GLRA2: variants seen among roughly 807,000 people sequenced by gnomAD.
GLRA2 encodes glycine receptor alpha 2, also known as glycine receptor subunit alpha-2.
A neutral mutation model predicts 31.6 loss-of-function variants in GLRA2; 11 were observed. The ratio of observed to expected loss-of-function variants is 0.35; its 90% CI spans 0.22 to 0.58. The LOEUF (loss-of-function observed/expected upper bound fraction) is 0.58. Among genes scored for constraint, GLRA2 ranks in the 20% least tolerant of loss-of-function variants. The probability of loss-of-function intolerance (pLI) is 0.84; values close to 1 mark genes in which losing one functional copy is unlikely to be tolerated. For missense variants in GLRA2, 212 were observed against 351.8 expected, an observed-to-expected ratio of 0.60 and a Z score of 3.18; for synonymous variants, 132 against 134.0, an observed-to-expected ratio of 0.99 and a Z score of 0.10.
At chrX:14,492,666 G>A in the GLRA2 span, among the ~76,000 whole-genome samples, 3 of 111,625 alleles carry the variant, frequency 2.7e-5, no homozygotes, top group African/African-American at 9.8e-5. Context: ...ATTCAAAATG[G>A]TATAGTCATT....
At chrX:14,648,444 A>G (rs2147135372) in intron 7 of GLRA2, among the ~76,000 whole-genome samples, 1 of 112,154 alleles carries the variant, frequency 8.9e-6, no homozygotes, top group South Asian at 3.7e-4. Flanking sequence ...ACAGCAGGGA[A>G]AATCTCTGAG....
chrX:14,624,965 T>C (rs2090570446), intron 7 of GLRA2, among the ~76,000 whole-genome samples: 1 of 111,270 alleles, frequency 9.0e-6, no homozygotes, highest in Admixed American at 9.5e-5. Flanking sequence ...AAGTCTCCCA[T>C]TATTGTTGTA....
chrX:14,601,467 C>G (rs1320670287), intron 4 of GLRA2, among the ~76,000 whole-genome samples: 1 of 111,651 alleles, frequency 9.0e-6, no homozygotes, highest in African/African-American at 3.3e-5. Flanking sequence ...GATGGGAAAG[C>G]TGTTATATGA....
intron 8 of GLRA2, among the ~76,000 whole-genome samples, chrX:14,700,435 C>A (rs778243249): frequency 9.0e-6 from 1 of 111,002 alleles, no homozygotes; most frequent in South Asian, 3.9e-4. Flanking sequence ...CAGAGACAGG[C>A]AGGGGGAAAG....
At chrX:14,602,412 T>C (rs1293984129) in intron 4 of GLRA2, among the ~76,000 whole-genome samples, 2 of 110,644 alleles carry the variant, frequency 1.8e-5, no homozygotes, top group African/African-American at 6.6e-5. Context: ...GAGTAGTTTG[T>C]TTTTCCTTTT....
intron 7 of GLRA2, among the ~76,000 whole-genome samples, chrX:14,664,978 C>G (rs755492865): frequency 9.0e-5 from 10 of 111,559 alleles, no homozygotes; most frequent in South Asian, 3.8e-4. Flanking sequence ...CGCCATCAGC[C>G]CAACTGCAAC....
intron 7 of GLRA2, among the ~76,000 whole-genome samples, chrX:14,672,842 A>T (rs779261172): frequency 5.4e-5 from 6 of 111,458 alleles, no homozygotes; most frequent in Non-Finnish European, 1.1e-4. Context: ...ATAGTATGAA[A>T]CAGTAGGTAG....
the GLRA2 span, among the ~76,000 whole-genome samples, chrX:14,485,482 A>G: frequency 9.0e-6 from 1 of 111,368 alleles, no homozygotes; most frequent in African/African-American, 3.3e-5. Context: ...TTCACTGTAT[A>G]TATTTATGGT....
intron 7 of GLRA2, among the ~76,000 whole-genome samples, chrX:14,612,589 G>A (rs956960277): frequency 1.8e-5 from 2 of 111,386 alleles, no homozygotes. Flanking sequence ...GTCCGTCAAT[G>A]ATAGACTGGA....
chrX:14,651,821 T>A (rs1233035833), intron 7 of GLRA2, among the ~76,000 whole-genome samples: 3 of 111,892 alleles, frequency 2.7e-5, no homozygotes, highest in Non-Finnish European at 5.6e-5. Flanking sequence ...TATTATGAAA[T>A]AAATGTTTGT....
At chrX:14,540,656 G>A (rs1405777400) in intron 2 of GLRA2, among the ~76,000 whole-genome samples, 2 of 111,211 alleles carry the variant, frequency 1.8e-5, no homozygotes, top group Non-Finnish European at 3.8e-5. Flanking sequence ...CTCCAACACT[G>A]ATGACAAATT....
intron 7 of GLRA2, among the ~76,000 whole-genome samples, chrX:14,637,159 T>C (rs2090718838): frequency 8.9e-6 from 1 of 112,397 alleles, no homozygotes; most frequent in African/African-American, 3.2e-5. Flanking sequence ...AGGAGTTCAC[T>C]TCTGATTCCT....
At chrX:14,494,165 C>T in the GLRA2 span, among the ~76,000 whole-genome samples, 1 of 111,332 alleles carries the variant, frequency 9.0e-6, no homozygotes, top group Non-Finnish European at 1.9e-5. Flanking sequence ...AGCATTTACC[C>T]TTGGCAGGCT....
intron 8 of GLRA2, among the ~76,000 whole-genome samples, chrX:14,729,166 C>T (rs760919099): frequency 7.1e-5 from 8 of 112,081 alleles, no homozygotes; most frequent in Non-Finnish European, 1.5e-4. Flanking sequence ...AAAGTTAATA[C>T]CAAGTTTCCT....
At chrX:14,498,485 T>A in the GLRA2 span, among the ~76,000 whole-genome samples, 2 of 110,848 alleles carry the variant, frequency 1.8e-5, no homozygotes, top group African/African-American at 6.5e-5. Context: ...TATTTTTAAA[T>A]TTTTTTATAT....
intron 2 of GLRA2, among the ~76,000 whole-genome samples, chrX:14,551,599 T>G (rs889951530): frequency 2.7e-5 from 3 of 111,768 alleles, no homozygotes; most frequent in African/African-American, 9.8e-5. Context: ...TTGTAAACTT[T>G]TTTTTACATC....
the GLRA2 span, among the ~76,000 whole-genome samples, chrX:14,494,209 G>A: frequency 8.9e-6 from 1 of 111,773 alleles, no homozygotes; most frequent in Non-Finnish European, 1.9e-5. Flanking sequence ...AAATCCTATT[G>A]AGGTGCTGGT....
the GLRA2 span, among the ~76,000 whole-genome samples, chrX:14,479,054 G>A: frequency 1.8e-5 from 2 of 110,389 alleles, no homozygotes; most frequent in African/African-American, 6.6e-5. Context: ...AGGGAGGGAA[G>A]GAGAGAGAAA....
rs2090035686 is a variant in GLRA2, at chrX:14,582,692, CG to C, written c.494+1289del. ...ACCCTCAGTTACCTTAATTTTAAAA[CG>C]GGAAACTCCATGTTTATCTCTGTAT... is the stretch of plus-strand genomic sequence containing the variant. On this transcript the variant is annotated intron_variant, in intron 4 of 8. Transcript: ENST00000218075. Among the ~76,000 whole-genome samples the C allele has an allele frequency of 2.7e-5, 3 of 111,838 alleles. No individual in the cohort carries two copies. In the Admixed American group the frequency reaches 2.9e-4, roughly 11 times the overall value.
Sources: allele counts gnomAD v4.1 joint callset (sites outside exome capture counted in the v4.1 genomes callset), GRCh38; gene constraint gnomAD v4.1.1; transcripts MANE v1.5; gene names NCBI Gene and HGNC (gene_info 2026-07-23, HGNC 2026-07-21).